NEMF: variants seen among roughly 807,000 people sequenced by gnomAD.
NEMF encodes the protein ribosome quality control complex subunit NEMF.
In NEMF, 89 loss-of-function variants were observed where a neutral mutation model predicts 162.2. The ratio of observed to expected loss-of-function variants is 0.55; its 90% CI spans 0.46 to 0.65. The LOEUF (loss-of-function observed/expected upper bound fraction) is 0.65. Among genes scored for constraint, NEMF ranks in the 30% least tolerant of loss-of-function variants. NEMF has a pLI of 0.00. For missense variants in NEMF, 1,133 were observed against 1,261.9 expected (o/e 0.90, Z 1.55); for synonymous variants, 421 against 404.5 (o/e 1.04, Z -0.49).
chr14:49,822,988 G>A (rs1216746730), intron 16 of NEMF, among the ~76,000 whole-genome samples: 3 of 148,650 alleles, frequency 2.0e-5, no homozygotes, highest in Admixed American at 6.8e-5. Context: ...CCAGGCTGGA[G>A]TGCAGTGGCA....
intron 3 of NEMF, among the ~76,000 whole-genome samples, chr14:49,849,956 C>T (rs1893690536): frequency 6.6e-6 from 1 of 152,134 alleles, no homozygotes; most frequent in South Asian, 2.1e-4. Flanking sequence ...AAAACAGACT[C>T]TAAATTGCTG....
chr14:49,837,652 T>C (rs1892970261), intron 6 of NEMF, among the ~76,000 whole-genome samples: 1 of 152,102 alleles, frequency 6.6e-6, no homozygotes, highest in South Asian at 2.1e-4. Flanking sequence ...GTTAACTCTC[T>C]AGTGCTCAGT....
At chr14:49,823,342 T>C (rs1892179173) in intron 16 of NEMF, among the ~76,000 whole-genome samples, 1 of 151,746 alleles carries the variant, frequency 6.6e-6, no homozygotes, top group Admixed American at 6.6e-5. Context: ...TCAAAACTAT[T>C]CTCAGAGAGC....
chr14:49,849,839 C>A (rs577905773), intron 3 of NEMF: 2 of 152,062 alleles, frequency 1.3e-5, no homozygotes, highest in Non-Finnish European at 2.9e-5. Flanking sequence ...TAAGGACAGG[C>A]CCCAAAAGAA....
At chr14:49,807,352 A>C (rs965103111) in intron 18 of NEMF, among the ~76,000 whole-genome samples, 1 of 152,226 alleles carries the variant, frequency 6.6e-6, no homozygotes, top group African/African-American at 2.4e-5. Context: ...ATATCTGCAA[A>C]CAAGTTTTGT....
intron 10 of NEMF, among the ~76,000 whole-genome samples, chr14:49,831,770 A>C (rs1329177572): frequency 1.3e-5 from 2 of 152,222 alleles, no homozygotes; most frequent in African/African-American, 4.8e-5. Context: ...ATTGTGTTTC[A>C]TAACACCACT....
chr14:49,788,527 A>C (rs1890285245), intron 28 of NEMF, among the ~76,000 whole-genome samples: 1 of 150,796 alleles, frequency 6.6e-6, no homozygotes, highest in South Asian at 2.1e-4. Flanking sequence ...TTTTCTACAC[A>C]TCTTCAAGAC....
chr14:49,788,557 TC>T (rs148618638), intron 28 of NEMF, among the ~76,000 whole-genome samples: 75,156 of 121,858 alleles, frequency 0.62, 22,749 homozygotes, highest in Non-Finnish European at 0.66. Flanking sequence ...TTTCTCTCTC[TC>T]TTTTTTTTTT....
At chr14:49,810,250 C>A (rs1455530581) in intron 18 of NEMF, among the ~76,000 whole-genome samples, 1 of 151,356 alleles carries the variant, frequency 6.6e-6, no homozygotes, top group African/African-American at 2.4e-5. Flanking sequence ...CGCCTGTAGT[C>A]CCAGCTACTC....
rs1891006426 is a variant in NEMF at position 49,802,578 on chromosome 14, AG to A, written c.1975-6del. The A allele has an allele frequency of 6.2e-7, 1 of 1,613,256 alleles. No homozygotes were observed. The highest frequency in any genetic ancestry group is 1.3e-5 in the African/African-American group (1 of 74,898). On this transcript the variant is annotated splice_region_variant and splice_polypyrimidine_tract_variant and intron_variant, in intron 21 of 32. Coordinates refer to ENST00000298310, the MANE Select transcript of NEMF (RefSeq NM_004713.6). ...CCAAACACAAGACTCATCTACCTAA[AG>A]AAACAGTTATTTTTCAGTGACGGAG... is the stretch of plus-strand genomic sequence containing the variant.
chr14:49,793,435 T>C (rs1408910357), intron 26 of NEMF, among the ~76,000 whole-genome samples: 1 of 152,146 alleles, frequency 6.6e-6, no homozygotes, highest in African/African-American at 2.4e-5. Flanking sequence ...TCCCAACACT[T>C]TGGGAGGCTG....
At chr14:49,824,775 A>G (rs969718466) in intron 16 of NEMF, among the ~76,000 whole-genome samples, 2 of 152,154 alleles carry the variant, frequency 1.3e-5, no homozygotes, top group Non-Finnish European at 2.9e-5. Context: ...GAGACCTCAA[A>G]AACTCTGCTT....
At chr14:49,845,139 C>A (rs892699774) in intron 4 of NEMF, among the ~76,000 whole-genome samples, 11 of 151,118 alleles carry the variant, frequency 7.3e-5, no homozygotes, top group African/African-American at 2.7e-4. Context: ...GTTGCCCAGG[C>A]TGGAGCACAG....
chr14:49,822,286 TAA>T (rs913232772), intron 16 of NEMF, among the ~76,000 whole-genome samples: 15 of 70,640 alleles, frequency 2.1e-4, no homozygotes, highest in Non-Finnish European at 3.9e-4. Flanking sequence ...GAATGATCAA[TAA>T]AAAAAAATAA....
chr14:49,786,515 G>A, intron 29 of NEMF: 3 of 575,704 alleles, frequency 5.2e-6, no homozygotes, highest in Non-Finnish European at 9.2e-6. Flanking sequence ...CCATTCTTCA[G>A]ATGAGGAAAC....
intron 4 of NEMF, among the ~76,000 whole-genome samples, chr14:49,844,293 C>T (rs1893361275): frequency 6.6e-6 from 1 of 152,036 alleles, no homozygotes; most frequent in African/African-American, 2.4e-5. Flanking sequence ...CCCTTGCATG[C>T]ACAGTTCACA....
At chr14:49,811,707 T>A (rs3126190) in intron 18 of NEMF, among the ~76,000 whole-genome samples, 1 of 152,038 alleles carries the variant, frequency 6.6e-6, no homozygotes, top group Non-Finnish European at 1.5e-5. Flanking sequence ...ATAATCCATG[T>A]GTGTTTTTTG....
chr14:49,827,638 C>T lies in NEMF; in HGVS notation c.1488+653G>A, dbSNP rs540358096. Among the ~76,000 whole-genome samples the T allele has an allele frequency of 1.4e-3, 210 of 152,188 alleles. 1 individual carries two copies. Among genetic ancestry groups the T allele is most frequent in the African/African-American group, 4.5e-3 (188 of 41,544 alleles). ...GACCAAGCTGACCAACATGGTGAAA[C>T]CCTGTCTCTACTAAAACTACAAAAA... On this transcript the variant is annotated intron_variant, in intron 15 of 32. Coordinates refer to ENST00000298310, the MANE Select transcript of NEMF (RefSeq NM_004713.6).
chr14:49,838,143 T>C lies in NEMF; in HGVS notation c.570A>G (p.Leu190=), dbSNP rs1368562662. Residue 190 remains leucine, a synonymous_variant, in exon 6 of 33, where the codon TTA becomes TTG. Coordinates refer to ENST00000298310, the MANE Select transcript of NEMF (RefSeq NM_004713.6). ...GELLKRVLNP[L]LPYGPALIEH... is the part of the protein sequence containing the mutation. Reference sequence around the variant, plus strand: ...GCTATTTGCAGGAATACTCACGAAGTAATGGGTTAAGCACCCTCTTCAGTA... The same window carrying C: ...GCTATTTGCAGGAATACTCACGAAGCAATGGGTTAAGCACCCTCTTCAGTA... 2.5e-6 allele frequency: 4 copies of C among 1,610,296 alleles called. No individual in the cohort carries two copies. Among genetic ancestry groups the C allele is most frequent in the Non-Finnish European group, 2.5e-6 (3 of 1,177,056 alleles).
Sources: allele counts gnomAD v4.1 joint callset (sites outside exome capture counted in the v4.1 genomes callset), GRCh38; gene constraint gnomAD v4.1.1; transcripts MANE v1.5; gene names NCBI Gene and HGNC (gene_info 2026-07-23, HGNC 2026-07-21).